The following GRM8 variants were observed in gnomAD, a reference collection of about 807,000 sequenced individuals.
GRM8 encodes the protein metabotropic glutamate receptor 8.
In GRM8, 47 loss-of-function variants were observed where a neutral mutation model predicts 87.2. The observed-to-expected ratio is 0.54, with a 90% CI of 0.43 to 0.69. GRM8 has a LOEUF of 0.69. GRM8 is among the 30% of genes least tolerant of loss of function. The pLI is 0.00. For missense variants in GRM8, 1,019 were observed against 1,139.2 expected, an observed-to-expected ratio of 0.89 and a Z score of 1.52; for synonymous variants, 396 against 404.5, an observed-to-expected ratio of 0.98 and a Z score of 0.25.
At chr7:127,135,772 T>C (rs1352750555) in intron 2 of GRM8, among the ~76,000 whole-genome samples, 2 of 152,108 alleles carry the variant, frequency 1.3e-5, no homozygotes, top group Non-Finnish European at 2.9e-5. Flanking sequence ...TTAAATATGA[T>C]AAGATAGGTC....
rs182928367 is a variant in GRM8 at position 127,192,263 on chromosome 7, T to C, written c.510+50432A>G. Among the ~76,000 whole-genome samples, 15 of 152,356 alleles carry C rather than the reference T, an allele frequency of 9.8e-5. No homozygotes were observed. The East Asian group carries it at 2.5e-3, about 25-fold the overall frequency. On this transcript the variant is annotated intron_variant, in intron 2 of 10. Coordinates refer to ENST00000339582, the MANE Select transcript of GRM8 (RefSeq NM_000845.3). Reference sequence around the variant, plus strand: ...ATGTTTTATGCTACCAAATTATGCATCATTATTTTGAATAGCTAACCAAAG... The same window carrying C: ...ATGTTTTATGCTACCAAATTATGCACCATTATTTTGAATAGCTAACCAAAG...
chr7:127,103,609 T>C (rs913504017), intron 3 of GRM8, among the ~76,000 whole-genome samples: 10 of 152,334 alleles, frequency 6.6e-5, no homozygotes, highest in Middle Eastern at 3.4e-3. Context: ...CTCCATTGTC[T>C]AGAAAACTAA....
At chr7:126,636,018 T>A (rs746580341) in intron 7 of GRM8, among the ~76,000 whole-genome samples, 2 of 152,102 alleles carry the variant, frequency 1.3e-5, no homozygotes, top group Non-Finnish European at 2.9e-5. Context: ...TTTCAATTCA[T>A]AAGGGGATGT....
rs181403768 is a variant in GRM8, at chr7:126,876,308, T to C, written c.1156+26234A>G. Among the ~76,000 whole-genome samples the C allele has an allele frequency of 7.2e-5, 11 of 152,300 alleles. No homozygotes were observed. The East Asian group carries it at 1.9e-3, about 27-fold the overall frequency. On this transcript the variant is annotated intron_variant, in intron 6 of 10. Transcript: ENST00000339582. The stretch of plus-strand genomic sequence containing the variant: ...GGTGTTTGTTGAAAGGATGAATAAA[T>C]AAACATTTCCTAAAATTGCCTGATA...
intron 7 of GRM8, among the ~76,000 whole-genome samples, chr7:126,702,081 T>C (rs1809995633): frequency 6.6e-6 from 1 of 152,218 alleles, no homozygotes. Context: ...TATTTATTCA[T>C]TTATTCAACT....
intron 3 of GRM8, among the ~76,000 whole-genome samples, chr7:126,949,427 T>G (rs1210791487): frequency 1.3e-5 from 2 of 152,166 alleles, no homozygotes; most frequent in African/African-American, 4.8e-5. Context: ...AATAAAAAAT[T>G]TTAAAGTGAT....
chr7:127,060,520 G>T (rs1224357395), intron 3 of GRM8, among the ~76,000 whole-genome samples: 2 of 152,016 alleles, frequency 1.3e-5, no homozygotes, highest in African/African-American at 4.8e-5. Context: ...GATACAATAT[G>T]AAATTTGCTT....
intron 7 of GRM8, among the ~76,000 whole-genome samples, chr7:126,767,996 T>C (rs993478117): frequency 4.6e-5 from 7 of 152,082 alleles, no homozygotes; most frequent in African/African-American, 9.7e-5. Context: ...TAGGTTCTTG[T>C]TGCTTTCGAG....
At chr7:126,857,829 G>T (rs917346896) in intron 6 of GRM8, among the ~76,000 whole-genome samples, 37 of 152,144 alleles carry the variant, frequency 2.4e-4, no homozygotes, top group African/African-American at 8.7e-4. Context: ...GATGCCTGTA[G>T]TCGCAGCCAC....
intron 6 of GRM8, among the ~76,000 whole-genome samples, chr7:126,825,757 A>G (rs1380732165): frequency 2.0e-5 from 3 of 152,164 alleles, no homozygotes; most frequent in Non-Finnish European, 2.9e-5. Context: ...TTTAGGGTAC[A>G]GGTGCACAAT....
At chr7:126,618,512 T>A (rs4501525) in intron 7 of GRM8, among the ~76,000 whole-genome samples, 1 of 151,790 alleles carries the variant, frequency 6.6e-6, no homozygotes, top group Non-Finnish European at 1.5e-5. Flanking sequence ...GCAACAAAAG[T>A]CAAAATTGAC....
chr7:126,713,240 T>C (rs756743257), intron 7 of GRM8, among the ~76,000 whole-genome samples: 4 of 152,186 alleles, frequency 2.6e-5, no homozygotes, highest in South Asian at 2.1e-4. Flanking sequence ...ATGTGGCACG[T>C]ACACACCATG....
chr7:126,684,245 C>T (rs1048704321), intron 7 of GRM8, among the ~76,000 whole-genome samples: 8 of 152,192 alleles, frequency 5.3e-5, no homozygotes, highest in African/African-American at 1.9e-4. Context: ...ACTGTAGTCA[C>T]AGCAGACTGG....
At chr7:127,196,240 G>A (rs534273383) in intron 2 of GRM8, among the ~76,000 whole-genome samples, 2 of 152,248 alleles carry the variant, frequency 1.3e-5, no homozygotes, top group Admixed American at 1.3e-4. Flanking sequence ...ATGCCCAGCT[G>A]GGCACAGTGG....
chr7:126,570,577 T>G (rs1028045353), intron 8 of GRM8, among the ~76,000 whole-genome samples: 1 of 152,190 alleles, frequency 6.6e-6, no homozygotes, highest in Non-Finnish European at 1.5e-5. Context: ...TTTGCACTAG[T>G]CCCATCACCC....
chr7:127,127,571 C>T (rs879788736), intron 2 of GRM8, among the ~76,000 whole-genome samples: 1 of 151,994 alleles, frequency 6.6e-6, no homozygotes, highest in Non-Finnish European at 1.5e-5. Flanking sequence ...ATTGAAATTC[C>T]AGAAAACACA....
At chr7:126,865,391 C>T (rs576386268) in intron 6 of GRM8, among the ~76,000 whole-genome samples, 1 of 152,316 alleles carries the variant, frequency 6.6e-6, no homozygotes, top group Admixed American at 6.5e-5. Flanking sequence ...CAAGAAAGAA[C>T]TTTTATTTTG....
At chr7:126,665,866 ATTG>A (rs1805705817) in intron 7 of GRM8, among the ~76,000 whole-genome samples, 1 of 152,060 alleles carries the variant, frequency 6.6e-6, no homozygotes, top group Non-Finnish European at 1.5e-5. Flanking sequence ...TGCATGTTTT[ATTG>A]TTTTCAATAA....
Position 126,903,575 on chromosome 7 carries a change from C to T in GRM8, c.1018+397G>A, listed in dbSNP as rs1168192059. On this transcript the variant is annotated intron_variant, in intron 5 of 10. Coordinates refer to ENST00000339582, the MANE Select transcript of GRM8 (RefSeq NM_000845.3). ...TCTTTCCTAAATACATACACACACA[C>T]ACACACACACACACACACACACACA... 2.9e-4 allele frequency among the ~76,000 whole-genome samples: 40 copies of T among 139,920 alleles called. 1 individual carries two copies. The highest frequency in any genetic ancestry group is 1.0e-3 in the African/African-American group (39 of 37,176). The allele number at this position is 139,920 out of a possible 152,430, so 91.8% of individuals were successfully genotyped here.
Sources: allele counts gnomAD v4.1 joint callset (sites outside exome capture counted in the v4.1 genomes callset), GRCh38; gene constraint gnomAD v4.1.1; transcripts MANE v1.5; gene names NCBI Gene and HGNC (gene_info 2026-07-23, HGNC 2026-07-21).